MAP2: variants seen among roughly 807,000 people sequenced by gnomAD.
MAP2 encodes the protein microtubule associated protein 2.
Under a neutral mutation model 137.6 loss-of-function variants are expected in MAP2, and 14 were observed. That is an observed-to-expected ratio of 0.10 (90% confidence interval 0.07 to 0.16). The LOEUF is 0.16. Ranked by LOEUF, MAP2 falls within the 10% of genes least tolerant of loss-of-function variation. The pLI is 1.00. For synonymous variants in MAP2, 786 were observed against 782.3 expected, an observed-to-expected ratio of 1.00 and a Z score of -0.08; for missense variants, 2,088 against 2,191.5, an observed-to-expected ratio of 0.95 and a Z score of 0.94.
chr2:209,463,841 T>G (rs1456354035), intron 1 of MAP2, among the ~76,000 whole-genome samples: 1 of 152,188 alleles, frequency 6.6e-6, no homozygotes, highest in Non-Finnish European at 1.5e-5. Context: ...TACTATTATT[T>G]GCCTGAGTCA....
intron 2 of MAP2, among the ~76,000 whole-genome samples, chr2:209,556,191 C>T (rs890367281): frequency 5.9e-5 from 9 of 151,890 alleles, no homozygotes; most frequent in African/African-American, 2.2e-4. Flanking sequence ...TAGGCACATA[C>T]CACCATGCCC....
chr2:209,486,897 G>A (rs149383018), intron 1 of MAP2, among the ~76,000 whole-genome samples: 33 of 152,272 alleles, frequency 2.2e-4, no homozygotes, highest in South Asian at 1.0e-3. Context: ...TGGATTAACA[G>A]CAGATCTGTG....
intron 2 of MAP2, among the ~76,000 whole-genome samples, chr2:209,569,206 T>C (rs935586745): frequency 6.6e-6 from 1 of 151,804 alleles, no homozygotes; most frequent in African/African-American, 2.4e-5. Context: ...CCAAAATAAA[T>C]GAAACACTTA....
At chr2:209,646,486 G>T (rs1258693454) in intron 4 of MAP2, among the ~76,000 whole-genome samples, 1 of 152,064 alleles carries the variant, frequency 6.6e-6, no homozygotes, top group Non-Finnish European at 1.5e-5. Context: ...ACAATCTTAG[G>T]CCTGGAAAAT....
chr2:209,474,812 A>T (rs1234878607), intron 1 of MAP2, among the ~76,000 whole-genome samples: 1 of 152,110 alleles, frequency 6.6e-6, no homozygotes, highest in Non-Finnish European at 1.5e-5. Context: ...ATGCATACAT[A>T]TATGCAAACA....
chr2:209,558,480 C>G (rs112191963), intron 2 of MAP2, among the ~76,000 whole-genome samples: 2,998 of 152,144 alleles, frequency 0.02, 96 homozygotes, highest in African/African-American at 0.068. Flanking sequence ...TGAGCCACCA[C>G]GCCCGGCCAC....
At chr2:209,618,918 G>A (rs940298181) in intron 3 of MAP2, among the ~76,000 whole-genome samples, 6 of 151,994 alleles carry the variant, frequency 3.9e-5, no homozygotes, top group African/African-American at 9.7e-5. Flanking sequence ...TAAAATATGG[G>A]ATATATACAT....
chr2:209,438,069 T>C (rs180817352), intron 1 of MAP2, among the ~76,000 whole-genome samples: 343 of 151,786 alleles, frequency 2.3e-3, no homozygotes, highest in Middle Eastern at 6.8e-3. Flanking sequence ...ACTATTGTTA[T>C]GGTAGTGAAA....
chr2:209,459,675 T>G (rs1702304257), intron 1 of MAP2, among the ~76,000 whole-genome samples: 1 of 152,216 alleles, frequency 6.6e-6, no homozygotes, highest in African/African-American at 2.4e-5. Flanking sequence ...GCTTTTCTAC[T>G]GCCTTAGAGA....
At chr2:209,624,635 AGACTGGGCTGGAG>A (rs1443557874) in intron 3 of MAP2, among the ~76,000 whole-genome samples, 2 of 152,150 alleles carry the variant, frequency 1.3e-5, no homozygotes, top group East Asian at 1.9e-4. Context: ...GAATCAATGC[AGACTGGGCTGGAG>A]GCCCAGTCCT....
chr2:209,690,630 C>T, intron 7 of MAP2: 1 of 1,288,856 alleles, frequency 7.8e-7, no homozygotes, highest in Non-Finnish European at 1.0e-6. Context: ...AGTCGGATGG[C>T]TGAGGAAGAG....
Position 209,695,965 on chromosome 2 carries a change from C to T in MAP2, c.3795C>T (p.Ala1265=). The change falls in exon 8 of 16, where the codon GCC becomes GCT. Residue 1265 remains alanine (A), a synonymous_variant. Transcript: ENST00000682079. ...LQITDLGVSG[A]REEFVETCPS... is the part of the protein sequence containing the mutation. ...TAACTGACCTGGGTGTCTCAGGTGC[C>T]AGGGAGGAATTTGTGGAGACCTGCC... 1 of 1,614,032 alleles carries T rather than the reference C, an allele frequency of 6.2e-7. No individual in the cohort carries two copies. The highest frequency in any genetic ancestry group is 8.5e-7 in the Non-Finnish European group (1 of 1,179,988).
intron 1 of MAP2, among the ~76,000 whole-genome samples, chr2:209,437,284 G>A (rs919068183): frequency 2.0e-4 from 31 of 151,522 alleles, no homozygotes; most frequent in African/African-American, 7.3e-4. Flanking sequence ...AGTGGTCCTG[G>A]TAGGAAGATG....
chr2:209,474,797 A>G (rs1392685163), intron 1 of MAP2, among the ~76,000 whole-genome samples: 2 of 152,106 alleles, frequency 1.3e-5, no homozygotes, highest in African/African-American at 4.8e-5. Context: ...GGAGATTGTT[A>G]CTATATGCAT....
At chr2:209,450,645 A>C (rs2123701) in intron 1 of MAP2, among the ~76,000 whole-genome samples, 86,455 of 152,034 alleles carry the variant, frequency 0.57, 26,562 homozygotes, top group African/African-American at 0.81. Context: ...AGATAGGGGT[A>C]ATGTCTTACA....
At chr2:209,482,001 AT>A (rs1708894564) in intron 1 of MAP2, among the ~76,000 whole-genome samples, 1 of 152,062 alleles carries the variant, frequency 6.6e-6, no homozygotes, top group Non-Finnish European at 1.5e-5. Flanking sequence ...GTATGTATAC[AT>A]TGATTTTACC....
intron 13 of MAP2, among the ~76,000 whole-genome samples, chr2:209,721,741 A>G (rs932249778): frequency 3.9e-5 from 6 of 152,212 alleles, no homozygotes; most frequent in Admixed American, 3.9e-4. Context: ...TCACTTGGCA[A>G]TGAGTCACCA....
intron 1 of MAP2, among the ~76,000 whole-genome samples, chr2:209,497,205 A>G (rs2059852816): frequency 6.6e-6 from 1 of 152,216 alleles, no homozygotes; most frequent in African/African-American, 2.4e-5. Flanking sequence ...GTAGCAGGTA[A>G]TTAAGGTTAA....
intron 2 of MAP2, among the ~76,000 whole-genome samples, chr2:209,570,938 T>C (rs1263363880): frequency 1.3e-5 from 2 of 151,930 alleles, no homozygotes; most frequent in Non-Finnish European, 2.9e-5. Flanking sequence ...ACAAATACTT[T>C]CACTTGTTGC....
Sources: allele counts gnomAD v4.1 joint callset (sites outside exome capture counted in the v4.1 genomes callset), GRCh38; gene constraint gnomAD v4.1.1; transcripts MANE v1.5; gene names NCBI Gene and HGNC (gene_info 2026-07-23, HGNC 2026-07-21).